The following SGMS1 variants were observed in gnomAD, a reference collection of about 807,000 sequenced individuals.
SGMS1 encodes the protein phosphatidylcholine:ceramide cholinephosphotransferase 1.
In SGMS1, 13 loss-of-function variants were observed where a neutral mutation model predicts 46.2. That is an observed-to-expected ratio of 0.28 (90% CI 0.18 to 0.45). The LOEUF is 0.45. SGMS1 is among the 20% of genes least tolerant of loss of function. SGMS1 has a pLI of 1.00. For synonymous variants in SGMS1, 203 were observed against 187.8 expected (o/e 1.08, Z -0.66); for missense variants, 324 against 519.9 (o/e 0.62, Z 3.66).
rs191388368 is a variant in SGMS1, at chr10:50,578,451, C to T, written c.-589+11702G>A. 9.5e-4 allele frequency among the ~76,000 whole-genome samples: 145 copies of T among 152,202 alleles called. 1 individual carries two copies. The East Asian group carries it at 0.022, about 24-fold the overall frequency. On this transcript the variant is annotated intron_variant, in intron 2 of 10. Coordinates refer to ENST00000361781, the MANE Select transcript of SGMS1 (RefSeq NM_147156.4). ...GAACATCAATAAGGATTTTTTTCTA[C>T]AATTTTTATTTTTTATCACAAGGCC...
chr10:50,621,841 G>C (rs1006513209), intron 1 of SGMS1, among the ~76,000 whole-genome samples: 4 of 152,240 alleles, frequency 2.6e-5, no homozygotes, highest in African/African-American at 9.6e-5. Flanking sequence ...TTTCTGCAGA[G>C]TAACTACTTA....
chr10:50,353,637 G>A (rs1163867930), intron 6 of SGMS1, among the ~76,000 whole-genome samples: 121 of 152,206 alleles, frequency 7.9e-4, no homozygotes, highest in African/African-American at 2.8e-3. Context: ...TAGGAAAAGA[G>A]GAAGTCAAAT....
chr10:50,431,455 C>G (rs1849403272), intron 6 of SGMS1, among the ~76,000 whole-genome samples: 1 of 152,170 alleles, frequency 6.6e-6, no homozygotes, highest in African/African-American at 2.4e-5. Context: ...GTAAAAACAA[C>G]AAACACAATC....
At chr10:50,527,668 G>A (rs530912720) in intron 2 of SGMS1, among the ~76,000 whole-genome samples, 1 of 152,226 alleles carries the variant, frequency 6.6e-6, no homozygotes, top group East Asian at 1.9e-4. Flanking sequence ...GGTTACTTGT[G>A]CTATCTTGAC....
chr10:50,607,869 T>C (rs1838711822), intron 1 of SGMS1, among the ~76,000 whole-genome samples: 1 of 152,224 alleles, frequency 6.6e-6, no homozygotes, highest in South Asian at 2.1e-4. Context: ...CTACCACTCA[T>C]ATTGTATTAC....
intron 3 of SGMS1, among the ~76,000 whole-genome samples, chr10:50,505,400 T>C (rs2133763785): frequency 6.6e-6 from 1 of 152,346 alleles, no homozygotes; most frequent in Non-Finnish European, 1.5e-5. Context: ...TGCTCTGTTC[T>C]ATCATGCCTA....
chr10:50,622,228 G>A (rs991804390), intron 1 of SGMS1, among the ~76,000 whole-genome samples: 5 of 152,062 alleles, frequency 3.3e-5, no homozygotes, highest in African/African-American at 1.2e-4. Context: ...CGCAGCCTTC[G>A]CCCGTGGACG....
intron 6 of SGMS1, among the ~76,000 whole-genome samples, chr10:50,378,183 C>T (rs985594880): frequency 6.6e-6 from 1 of 152,184 alleles, no homozygotes; most frequent in Non-Finnish European, 1.5e-5. Flanking sequence ...TTTACACTAG[C>T]CTGTTTCCTG....
At chr10:50,523,680 G>A (rs1467266877) in intron 2 of SGMS1, among the ~76,000 whole-genome samples, 1 of 152,198 alleles carries the variant, frequency 6.6e-6, no homozygotes, top group African/African-American at 2.4e-5. Context: ...ATTTTCTGGT[G>A]TATTTCCATG....
intron 2 of SGMS1, among the ~76,000 whole-genome samples, chr10:50,551,145 G>A (rs1343858449): frequency 1.3e-5 from 2 of 151,954 alleles, no homozygotes; most frequent in Non-Finnish European, 2.9e-5. Flanking sequence ...GGAGAAACCT[G>A]CCAAACACTA....
At position 50,319,944 on chromosome 10, in the gene SGMS1, T is replaced by C. The variant is rs190667730; in HGVS notation, c.741+7261A>G. ...AGCATCCAGTGATGATTCTAAATTATAATACTTGAATTATTACTGTAGTGG... is the reference window on the plus strand; with the variant it reads ...AGCATCCAGTGATGATTCTAAATTACAATACTTGAATTATTACTGTAGTGG... On this transcript the variant is annotated intron_variant, in intron 8 of 10. Coordinates refer to ENST00000361781, the MANE Select transcript of SGMS1 (RefSeq NM_147156.4). 2.6e-5 allele frequency among the ~76,000 whole-genome samples: 4 copies of C among 152,372 alleles called. No homozygotes were observed. In the East Asian group the frequency reaches 7.7e-4, roughly 29 times the overall value.
intron 6 of SGMS1, among the ~76,000 whole-genome samples, chr10:50,347,712 C>A (rs940782737): frequency 1.3e-5 from 2 of 152,126 alleles, no homozygotes; most frequent in African/African-American, 4.8e-5. Context: ...TCATTTCCCC[C>A]TTGCCCAGCA....
At position 50,307,162 on chromosome 10, in the gene SGMS1, G is replaced by C. The variant is rs202216189; in HGVS notation, c.1222C>G (p.Arg408Gly). 1 of 1,613,816 alleles carries C rather than the reference G, an allele frequency of 6.2e-7. No homozygotes were observed. Among genetic ancestry groups the C allele is most frequent in the East Asian group, 2.2e-5 (1 of 44,876 alleles). Residue 408 changes from arginine to glycine, a missense_variant, in exon 11 of 11, where the codon CGG (arginine) becomes GGG (glycine). Arg to Gly is a moderately radical substitution (Grantham distance 125). Coordinates refer to ENST00000361781, the MANE Select transcript of SGMS1 (RefSeq NM_147156.4). The surrounding 1 kb of genome is among the most constrained non-coding windows in gnomAD (Gnocchi z 4.2). ...VHLSRQVKYS[R>G]LVNDT ...AGCTGTTATGTGTCATTCACCAGCC[G>C]GCTGTATTTAACTTGCCTACTGAGG...
At chr10:50,396,920 C>T (rs369780661) in intron 6 of SGMS1, among the ~76,000 whole-genome samples, 8 of 152,224 alleles carry the variant, frequency 5.3e-5, no homozygotes, top group South Asian at 4.1e-4. Flanking sequence ...GGTGAACCGG[C>T]GGTGTTACTT....
chr10:50,364,918 G>A (rs1237212093), intron 6 of SGMS1, among the ~76,000 whole-genome samples: 1 of 152,000 alleles, frequency 6.6e-6, no homozygotes, highest in Non-Finnish European at 1.5e-5. Flanking sequence ...ATAACCTGAG[G>A]ACTTTGGAAG....
rs114954328 is a variant in SGMS1, at chr10:50,585,108, C to G, written c.-589+5045G>C. ...TTCTATATTTTCTATTAAGAAGAAA[C>G]AAACTTTTATGACTTTGATAAGCAA... On this transcript the variant is annotated intron_variant, in intron 2 of 10. Coordinates refer to ENST00000361781, the MANE Select transcript of SGMS1 (RefSeq NM_147156.4). 7.9e-3 allele frequency among the ~76,000 whole-genome samples: 1,198 copies of G among 152,284 alleles called. 14 individuals are homozygous for G. Among genetic ancestry groups the G allele is most frequent in the African/African-American group, 0.027 (1,137 of 41,574 alleles).
chr10:50,450,986 G>A (rs140719749), intron 5 of SGMS1, among the ~76,000 whole-genome samples: 1 of 133,436 alleles, frequency 7.5e-6, no homozygotes, highest in African/African-American at 2.8e-5. Context: ...AACAAATAGT[G>A]GATGCTTTGG....
Position 50,307,088 on chromosome 10 carries a change from C to G in SGMS1, c.*54G>C. 3 of 1,547,344 alleles carry G rather than the reference C, an allele frequency of 1.9e-6. No homozygotes were observed. The highest frequency in any genetic ancestry group is 2.6e-6 in the Non-Finnish European group (3 of 1,134,876). ...GTGTTTATTTTATGGCATCTTCTCT[C>G]ATGGAGTTCTTAGCACTTCGGACAA... On this transcript the variant is annotated 3_prime_UTR_variant, in exon 11 of 11. Transcript: ENST00000361781. The surrounding 1 kb of genome is among the most constrained non-coding windows in gnomAD (Gnocchi z 4.2).
intron 6 of SGMS1, among the ~76,000 whole-genome samples, chr10:50,394,385 A>C (rs1027831298): frequency 1.3e-5 from 2 of 152,214 alleles, no homozygotes; most frequent in Non-Finnish European, 2.9e-5. Context: ...GAATGGCATA[A>C]GTGATTTTCC....
Sources: allele counts gnomAD v4.1 joint callset (sites outside exome capture counted in the v4.1 genomes callset), GRCh38; gene constraint gnomAD v4.1.1; non-coding constraint Gnocchi (gnomAD v3.1); transcripts MANE v1.5; gene names NCBI Gene and HGNC (gene_info 2026-07-23, HGNC 2026-07-21).